FHIP2A: variants seen among roughly 807,000 people sequenced by gnomAD.
FHIP2A encodes family with sequence similarity 160 member B1.
Under a neutral mutation model 93.5 loss-of-function variants are expected in FHIP2A, and 46 were observed. The ratio of observed to expected loss-of-function variants is 0.49; its 90% confidence interval spans 0.39 to 0.63. The LOEUF is 0.63. Ranked by LOEUF, FHIP2A falls within the 20% of genes least tolerant of loss-of-function variation. The probability of loss-of-function intolerance (pLI) is 0.00; values close to 1 mark genes in which losing one functional copy is unlikely to be tolerated. For synonymous variants in FHIP2A, 332 were observed against 326.5 expected (o/e 1.02, Z -0.18); for missense variants, 769 against 909.7 (o/e 0.85, Z 1.99).
chr10:114,865,049 A>C (rs1438531101), downstream of FHIP2A, among the ~76,000 whole-genome samples: 5 of 151,978 alleles, frequency 3.3e-5, no homozygotes, highest in South Asian at 8.3e-4. Flanking sequence ...ATGCAATGGC[A>C]TGATCTCAGC....
At chr10:114,877,275 G>T (rs929891569) in intron 16 of FHIP2A, among the ~76,000 whole-genome samples, 2 of 152,082 alleles carry the variant, frequency 1.3e-5, no homozygotes, top group African/African-American at 4.8e-5. Flanking sequence ...TTCCCCACTG[G>T]GAACGGCGCC....
chr10:114,884,270 C>CA (rs1412638704), intron 16 of FHIP2A, among the ~76,000 whole-genome samples: 3 of 152,086 alleles, frequency 2.0e-5, no homozygotes, highest in African/African-American at 7.2e-5. Context: ...GATCTCTGAA[C>CA]AAAAAATCAA....
At chr10:114,828,618 A>G (rs2083590866) in intron 1 of FHIP2A, among the ~76,000 whole-genome samples, 1 of 152,218 alleles carries the variant, frequency 6.6e-6, no homozygotes. Context: ...CAAGTGGCTG[A>G]TTAAAACTTT....
chr10:114,879,040 G>A (rs1231273840), intron 16 of FHIP2A, among the ~76,000 whole-genome samples: 1 of 152,100 alleles, frequency 6.6e-6, no homozygotes, highest in Non-Finnish European at 1.5e-5. Flanking sequence ...TTATGTGCCA[G>A]GCTTATTATT....
At chr10:114,847,861 C>T (rs2083711396) in intron 12 of FHIP2A, among the ~76,000 whole-genome samples, 1 of 151,928 alleles carries the variant, frequency 6.6e-6, no homozygotes, top group South Asian at 2.1e-4. Flanking sequence ...ATTCTCCTGC[C>T]TCAGGCTCCT....
chr10:114,869,448 T>G (rs1004664777), downstream of FHIP2A, among the ~76,000 whole-genome samples: 19 of 152,370 alleles, frequency 1.2e-4, no homozygotes, highest in African/African-American at 4.1e-4. Context: ...TCCTGTGATC[T>G]TTATTTCCAT....
In FHIP2A at chr10:114,863,825, T is replaced by C; in HGVS notation, c.*2285T>C. ...TGAGTGGAAAGCACCGTCATAACAA[T>C]TGATTGCCATAGCAAGTTCCAAAGT... On this transcript the variant is annotated 3_prime_UTR_variant, in exon 17 of 17. Coordinates refer to ENST00000369248, the MANE Select transcript of FHIP2A (RefSeq NM_020940.4). 9.4e-7 allele frequency: 1 copy of C among 1,061,332 alleles called. No individual in the cohort carries two copies. Among genetic ancestry groups the C allele is most frequent in the South Asian group, 2.7e-5 (1 of 37,014 alleles). The allele number at this position is 1,061,332 out of a possible 1,614,324, so 65.7% of individuals were successfully genotyped here.
chr10:114,893,114 G>A (rs1483849630), intron 16 of FHIP2A, among the ~76,000 whole-genome samples: 1 of 152,026 alleles, frequency 6.6e-6, no homozygotes. Context: ...AATCCACTTC[G>A]AGGAATCTTT....
At chr10:114,876,002 AAG>A (rs1328062354) in intron 16 of FHIP2A, among the ~76,000 whole-genome samples, 7 of 148,542 alleles carry the variant, frequency 4.7e-5, no homozygotes. Flanking sequence ...AAGAAAAAGA[AAG>A]AGAAAGAAAG....
At position 114,863,945 on chromosome 10, in the gene FHIP2A, G is replaced by A; in HGVS notation, c.*2405G>A. On this transcript the variant is annotated 3_prime_UTR_variant, in exon 17 of 17. Transcript: ENST00000369248. Reference sequence around the variant, plus strand: ...TCTTTGGATTTGTTTTTAGTTATGAGCCGCATTCTTTACTTGATAGAACTC... The same window carrying A: ...TCTTTGGATTTGTTTTTAGTTATGAACCGCATTCTTTACTTGATAGAACTC... 1 of 1,058,430 alleles carries A rather than the reference G, an allele frequency of 9.4e-7. No individual in the cohort carries two copies. Among genetic ancestry groups the A allele is most frequent in the Non-Finnish European group, 1.1e-6 (1 of 873,232 alleles). The allele number at this position is 1,058,430 out of a possible 1,614,324, so 65.6% of individuals were successfully genotyped here.
chr10:114,886,812 T>G (rs757049101), intron 16 of FHIP2A, among the ~76,000 whole-genome samples: 3 of 152,040 alleles, frequency 2.0e-5, no homozygotes, highest in Middle Eastern at 3.2e-3. Context: ...CCCAAAGTAC[T>G]GTGAGCCACT....
rs540319891 is a variant in FHIP2A, at chr10:114,841,532, T to A, written c.523-1401T>A. Among the ~76,000 whole-genome samples the A allele has an allele frequency of 2.0e-5, 3 of 152,240 alleles. No homozygotes were observed. The East Asian group carries it at 5.8e-4, about 29-fold the overall frequency. ...GTCTCGAACTCCTGACCTCAAGTGA[T>A]CCGCCTGCCTCAGCCTCTCAAAGTG... is the stretch of plus-strand genomic sequence containing the variant. On this transcript the variant is annotated intron_variant, in intron 5 of 16. Coordinates refer to ENST00000369248, the MANE Select transcript of FHIP2A (RefSeq NM_020940.4).
intron 1 of FHIP2A, among the ~76,000 whole-genome samples, chr10:114,829,885 G>A (rs2083598248): frequency 6.6e-6 from 1 of 152,174 alleles, no homozygotes; most frequent in Non-Finnish European, 1.5e-5. Flanking sequence ...ATGGCTGAGG[G>A]GATATAATTT....
At chr10:114,878,959 AAACAT>A (rs894224769) in intron 16 of FHIP2A, among the ~76,000 whole-genome samples, 4 of 152,212 alleles carry the variant, frequency 2.6e-5, no homozygotes, top group Admixed American at 6.5e-5. Flanking sequence ...CCAAATGAGG[AAACAT>A]AACATATATG....
rs1361154367 is a variant in FHIP2A at position 114,863,328 on chromosome 10, G to C, written c.*1788G>C. ...GTAGTAACAGTCTACTTTGATATAT[G>C]AGTATTTAAACTAAGGCATTAAGAG... is the stretch of plus-strand genomic sequence containing the variant. On this transcript the variant is annotated 3_prime_UTR_variant, in exon 17 of 17. Transcript: ENST00000369248. 1 of 979,526 alleles carries C rather than the reference G, an allele frequency of 1.0e-6. No individual in the cohort carries two copies. The highest frequency in any genetic ancestry group is 1.8e-5 in the African/African-American group (1 of 57,048). 60.7% of individuals were successfully genotyped at this position (979,526 alleles called of 1,614,324 possible). A position where few individuals can be genotyped will look rare whatever the true frequency, so the allele number is the denominator to read the frequency against.
chr10:114,883,026 G>T (rs1326677663), intron 16 of FHIP2A, among the ~76,000 whole-genome samples: 1 of 152,166 alleles, frequency 6.6e-6, no homozygotes, highest in African/African-American at 2.4e-5. Flanking sequence ...CTGGCGAAAG[G>T]CTTGTGACAG....
At position 114,833,365 on chromosome 10, in the gene FHIP2A, AG is replaced by A; in HGVS notation, c.258del (p.Ile87SerfsTer17). 1 of 1,614,076 alleles carries A rather than the reference AG, an allele frequency of 6.2e-7. No individual in the cohort carries two copies. Among genetic ancestry groups the A allele is most frequent in the Non-Finnish European group, 8.5e-7 (1 of 1,179,980 alleles). On this transcript the variant is annotated frameshift_variant, in exon 3 of 17. Transcript: ENST00000369248. LOFTEE classifies it high-confidence loss of function. ...TGTATGGAATATTTGCTTCATCACAAGATCTTGGAAACATTATATACCTTGG... is the reference window on the plus strand; with the variant it reads ...TGTATGGAATATTTGCTTCATCACAAATCTTGGAAACATTATATACCTTGG... The part of the protein sequence containing the change: ...GPCMEYLLHH[K>X]ILETLYTLGK...
At chr10:114,895,526 C>T (rs149222113) in intron 16 of FHIP2A, among the ~76,000 whole-genome samples, 333 of 152,284 alleles carry the variant, frequency 2.2e-3, no homozygotes, top group African/African-American at 7.4e-3. Flanking sequence ...TCCTTAATAA[C>T]GATACCTTAG....
chr10:114,846,103 T>A lies in FHIP2A; in HGVS notation c.1205+14T>A. On this transcript the variant is annotated intron_variant, in intron 9 of 16. Coordinates refer to ENST00000369248, the MANE Select transcript of FHIP2A (RefSeq NM_020940.4). Reference sequence around the variant, plus strand: ...ATTAATGCAAACGTGAGTAGCCTGTTTTCTTTTGAAAAAAACCGCATCACT... The same window carrying A: ...ATTAATGCAAACGTGAGTAGCCTGTATTCTTTTGAAAAAAACCGCATCACT... 1.2e-6 allele frequency: 2 copies of A among 1,613,532 alleles called. No individual in the cohort carries two copies. Among genetic ancestry groups the A allele is most frequent in the African/African-American group, 2.7e-5 (2 of 75,036 alleles).
Sources: allele counts gnomAD v4.1 joint callset (sites outside exome capture counted in the v4.1 genomes callset), GRCh38; gene constraint gnomAD v4.1.1; transcripts MANE v1.5; gene names NCBI Gene and HGNC (gene_info 2026-07-23, HGNC 2026-07-21).